PLAGL1: variants seen among roughly 807,000 people sequenced by gnomAD.
The protein encoded by PLAGL1 is zinc finger protein PLAGL1.
In PLAGL1, 1 loss-of-function variant was observed where a neutral mutation model predicts 4.6. That is an observed-to-expected ratio of 0.22 (90% CI 0.08 to 1.03). PLAGL1 has a LOEUF of 1.03. PLAGL1 is among the 50% of genes least tolerant of loss of function. The probability of loss-of-function intolerance (pLI) is 0.58; values close to 1 mark genes in which losing one functional copy is unlikely to be tolerated. For synonymous variants in PLAGL1, 240 were observed against 237.8 expected (o/e 1.01, Z -0.08); for missense variants, 464 against 570.4 (o/e 0.81, Z 1.90).
chr6:144,030,254 CAAAAAAAAAAAA>C (rs66563676), intron 1 of PLAGL1, among the ~76,000 whole-genome samples: 9 of 44,558 alleles, frequency 2.0e-4, no homozygotes, highest in East Asian at 2.2e-3. Context: ...GACTCCGTCT[CAAAAAAAAAAAA>C]AAAAAAAAAA....
intron 1 of PLAGL1, among the ~76,000 whole-genome samples, chr6:144,058,625 ATGG>A (rs1799164969): frequency 6.6e-6 from 1 of 152,230 alleles, no homozygotes; most frequent in Admixed American, 6.5e-5. Flanking sequence ...CCAAAATACA[ATGG>A]TGGTACAGAC....
chr6:144,030,350 T>A (rs988591830), intron 1 of PLAGL1, among the ~76,000 whole-genome samples: 13 of 151,278 alleles, frequency 8.6e-5, no homozygotes, highest in Admixed American at 3.3e-4. Flanking sequence ...CTTTTTAAAA[T>A]TTTTTTATTT....
rs1368905074 is a variant in PLAGL1 at position 143,962,102 on chromosome 6, C to A, written c.-398-1560G>T. On this transcript the variant is annotated intron_variant, in intron 5 of 7. Coordinates refer to ENST00000674357, the MANE Select transcript of PLAGL1 (RefSeq NM_001317162.2). The surrounding 1 kb of genome is among the most constrained non-coding windows in gnomAD (Gnocchi z 5.3). Reference sequence around the variant, plus strand: ...GCAGGGAGGAGATCAAATCCCTCAGCTTTTCCCACCTGCCATCTCTGCGCC... The same window carrying A: ...GCAGGGAGGAGATCAAATCCCTCAGATTTTCCCACCTGCCATCTCTGCGCC... 6.6e-6 allele frequency among the ~76,000 whole-genome samples: 1 copy of A among 152,180 alleles called. No homozygotes were observed. The highest frequency in any genetic ancestry group is 2.1e-4 in the South Asian group (1 of 4,818).
chr6:143,948,369 G>C lies in PLAGL1; in HGVS notation c.-233C>G. Reference sequence around the variant, plus strand: ...CAGTTTACATGCAGTCTCAAGCTGAGGGGAGAAAGTCTGAGGCACAGGTGC... The same window carrying C: ...CAGTTTACATGCAGTCTCAAGCTGACGGGAGAAAGTCTGAGGCACAGGTGC... On this transcript the variant is annotated 5_prime_UTR_variant, in exon 7 of 8. Transcript: ENST00000674357. The surrounding 1 kb of genome is among the most constrained non-coding windows in gnomAD (Gnocchi z 6.0). The C allele has an allele frequency of 2.1e-6, 1 of 479,814 alleles. No homozygotes were observed. Among genetic ancestry groups the C allele is most frequent in the Non-Finnish European group, 3.8e-6 (1 of 263,842 alleles). The allele number at this position is 479,814 out of a possible 1,614,324, so 29.7% of individuals were successfully genotyped here.
chr6:143,987,525 C>T (rs1789497096), intron 1 of PLAGL1, among the ~76,000 whole-genome samples: 2 of 135,496 alleles, frequency 1.5e-5, no homozygotes, highest in African/African-American at 5.5e-5. Context: ...AAGAGATTCT[C>T]CCACCTTGGC....
chr6:143,977,470 C>CTTTTTTTTTT (rs34750629), intron 2 of PLAGL1, among the ~76,000 whole-genome samples: 42 of 69,298 alleles, frequency 6.1e-4, no homozygotes, highest in African/African-American at 8.7e-4. Flanking sequence ...TCTTCTTCTT[C>CTTTTTTTTTT]TTTTTTTTTT....
chr6:144,012,433 C>T (rs1309788463), upstream of PLAGL1, among the ~76,000 whole-genome samples: 6 of 151,932 alleles, frequency 3.9e-5, no homozygotes, highest in Non-Finnish European at 8.8e-5. The surrounding 1 kb of genome is among the most constrained non-coding windows in gnomAD (Gnocchi z 4.8). Context: ...GGGGGAAGTT[C>T]GCCATGTTAG....
In PLAGL1 at chr6:144,056,697, C is replaced by T. The variant is rs1364072025; in HGVS notation, c.-151+7771G>A. 6.6e-6 allele frequency among the ~76,000 whole-genome samples: 1 copy of T among 152,096 alleles called. No individual in the cohort carries two copies. Among genetic ancestry groups the T allele is most frequent in the African/African-American group, 2.4e-5 (1 of 41,410 alleles). Reference sequence around the variant, plus strand: ...GTTTTTTTAAATTTAGACAGGTTATCGCTGCTGCCCAGGCCAGAGTGCAGT... The same window carrying T: ...GTTTTTTTAAATTTAGACAGGTTATTGCTGCTGCCCAGGCCAGAGTGCAGT... On this transcript the variant is annotated intron_variant, in intron 1 of 3. Transcript: ENST00000437412. This position sits in a 1 kb window ranked among gnomAD's most constrained non-coding sequence, Gnocchi z 4.7.
At position 143,989,548 on chromosome 6, in the gene PLAGL1, A is replaced by G. The variant is rs767616134; in HGVS notation, c.-583-4374T>C. 3.3e-4 allele frequency among the ~76,000 whole-genome samples: 50 copies of G among 152,176 alleles called. No individual in the cohort carries two copies. The Middle Eastern group carries it at 0.034, about 104-fold the overall frequency. ...CTCCTGTCCTTGGACTGGGATTTAT[A>G]CCCCTGGTTCCTCTGCTTCTCAGGC... is the stretch of plus-strand genomic sequence containing the variant. On this transcript the variant is annotated intron_variant, in intron 1 of 7. Coordinates refer to ENST00000674357, the MANE Select transcript of PLAGL1 (RefSeq NM_001317162.2). This position sits in a 1 kb window ranked among gnomAD's most constrained non-coding sequence, Gnocchi z 4.8.
chr6:143,974,902 T>C (rs1480525712), intron 2 of PLAGL1, among the ~76,000 whole-genome samples: 1 of 152,222 alleles, frequency 6.6e-6, no homozygotes, highest in African/African-American at 2.4e-5. Context: ...GGAAAAATAC[T>C]ACTGAAAGAA....
Position 143,987,202 on chromosome 6 carries a change from T to TTTTA in PLAGL1, c.-583-2032_-583-2029dup, listed in dbSNP as rs552351803. Among the ~76,000 whole-genome samples, 137 of 152,084 alleles carry TTTTA rather than the reference T, an allele frequency of 9.0e-4. 1 individual carries two copies. The South Asian group carries it at 0.01, about 11-fold the overall frequency. ...ATAATCTCCCCCAGTTACTCAAGGC[T>TTTTA]TTTATTTATTTATTTATTTATTTAG... On this transcript the variant is annotated intron_variant, in intron 1 of 7. Transcript: ENST00000674357.
rs989502292 is a variant in PLAGL1 at position 143,973,486 on chromosome 6, A to T, written c.-543-4508T>A. Among the ~76,000 whole-genome samples the T allele has an allele frequency of 7.9e-5, 12 of 152,180 alleles. No individual in the cohort carries two copies. The highest frequency in any genetic ancestry group is 2.6e-4 in the Admixed American group (4 of 15,270). On this transcript the variant is annotated intron_variant, in intron 2 of 7. Transcript: ENST00000674357. This position sits in a 1 kb window ranked among gnomAD's most constrained non-coding sequence, Gnocchi z 6.2. Reference sequence around the variant, plus strand: ...GAGGGAGAAAACAAGCACGGGGGGAAGTCCTCTGCTTCTAGGGCCTGCTGA... The same window carrying T: ...GAGGGAGAAAACAAGCACGGGGGGATGTCCTCTGCTTCTAGGGCCTGCTGA...
rs1313963611 is a variant in PLAGL1, at chr6:143,975,541, A to G, written c.-543-6563T>C. Among the ~76,000 whole-genome samples the G allele has an allele frequency of 1.3e-5, 2 of 152,024 alleles. No individual in the cohort carries two copies. The highest frequency in any genetic ancestry group is 1.3e-4 in the Admixed American group (2 of 15,266). On this transcript the variant is annotated intron_variant, in intron 2 of 7. Transcript: ENST00000674357. The surrounding 1 kb of genome is among the most constrained non-coding windows in gnomAD (Gnocchi z 5.8). ...TAGCTATTATCAATGCTGAAAATCA[A>G]AACAGTGTAAACTTGTTAAAAGGAA... is the stretch of plus-strand genomic sequence containing the variant.
chr6:143,976,499 C>G (rs900227721), intron 2 of PLAGL1, among the ~76,000 whole-genome samples: 1 of 151,990 alleles, frequency 6.6e-6, no homozygotes, highest in African/African-American at 2.4e-5. Flanking sequence ...TTCTACAGTT[C>G]TGTGACTTTT....
At chr6:143,956,097 T>G (rs1028961858) in intron 6 of PLAGL1, among the ~76,000 whole-genome samples, 7 of 152,374 alleles carry the variant, frequency 4.6e-5, no homozygotes, top group African/African-American at 1.4e-4. Context: ...GATGCCTTTC[T>G]GAACCTAACT....
At position 143,985,483 on chromosome 6, in the gene PLAGL1, C is replaced by A. The variant is rs574322822; in HGVS notation, c.-583-309G>T. On this transcript the variant is annotated intron_variant, in intron 1 of 7. Transcript: ENST00000674357. The surrounding 1 kb of genome is among the most constrained non-coding windows in gnomAD (Gnocchi z 4.4). ...GAACAGTTCCATCACAAGGATCCAT[C>A]ATGTTGCCCTTTTACAATCACACAC... is the stretch of plus-strand genomic sequence containing the variant. 6.6e-6 allele frequency among the ~76,000 whole-genome samples: 1 copy of A among 152,166 alleles called. No individual in the cohort carries two copies. Among genetic ancestry groups the A allele is most frequent in the African/African-American group, 2.4e-5 (1 of 41,452 alleles).
Position 144,004,345 on chromosome 6 carries a change from C to T in PLAGL1, c.-584+3745G>A, listed in dbSNP as rs1157493920. 6.6e-6 allele frequency among the ~76,000 whole-genome samples: 1 copy of T among 152,140 alleles called. No homozygotes were observed. Among genetic ancestry groups the T allele is most frequent in the Non-Finnish European group, 1.5e-5 (1 of 68,024 alleles). On this transcript the variant is annotated intron_variant, in intron 1 of 7. Transcript: ENST00000674357. This position sits in a 1 kb window ranked among gnomAD's most constrained non-coding sequence, Gnocchi z 4.2. ...TATAGACAGGAGCCATGGAACACAGCCCAATAAAATTTTATAAACAGAAAC... is the reference window on the plus strand; with the variant it reads ...TATAGACAGGAGCCATGGAACACAGTCCAATAAAATTTTATAAACAGAAAC...
Position 143,983,715 on chromosome 6 carries a change from T to C in PLAGL1, c.-544+1420A>G, listed in dbSNP as rs186051101. ...GTTGAGTAAGGGAGGATGTGAGATA[T>C]GAAGGAAGTGTGCTGCAGTGTAAAA... is the stretch of plus-strand genomic sequence containing the variant. On this transcript the variant is annotated intron_variant, in intron 2 of 7. Transcript: ENST00000674357. This position sits in a 1 kb window ranked among gnomAD's most constrained non-coding sequence, Gnocchi z 6.6. 2.0e-4 allele frequency among the ~76,000 whole-genome samples: 31 copies of C among 151,988 alleles called. No individual in the cohort carries two copies. The highest frequency in any genetic ancestry group is 6.8e-4 in the African/African-American group (28 of 41,466).
At chr6:144,019,337 T>A (rs1377343675) in intron 1 of PLAGL1, among the ~76,000 whole-genome samples, 1 of 151,784 alleles carries the variant, frequency 6.6e-6, no homozygotes, top group African/African-American at 2.4e-5. Flanking sequence ...CCAGGCATGG[T>A]GGTGGGCGCC....
Sources: gnomAD v4.1 joint callset for allele counts (sites outside exome capture counted in the v4.1 genomes callset) on GRCh38, gnomAD v4.1.1 for gene constraint, Gnocchi (gnomAD v3.1) non-coding constraint, MANE v1.5 for transcripts, NCBI Gene and HGNC (gene_info 2026-07-23, HGNC 2026-07-21) for gene names.